HARS1: variants seen among roughly 807,000 people sequenced by gnomAD.
HARS1 encodes the protein histidine--tRNA ligase, cytoplasmic.
HARS1 carries 45 observed loss-of-function variants against 63.6 expected under a neutral mutation model. That is an observed-to-expected ratio of 0.71 (90% confidence interval 0.56 to 0.91). HARS1 has a LOEUF of 0.91. Among genes scored for constraint, HARS1 ranks in the 40% least tolerant of loss-of-function variants. The pLI is 0.00. For missense variants in HARS1, 508 were observed against 643.2 expected, an observed-to-expected ratio of 0.79 and a Z score of 2.27; for synonymous variants, 205 against 247.1, an observed-to-expected ratio of 0.83 and a Z score of 1.60.
chr5:140,677,967 ACTCTGCAT>A lies in HARS1; in HGVS notation c.563_570del (p.Asp188ValfsTer38), dbSNP rs780060444. 6.2e-7 allele frequency: 1 copy of A among 1,612,032 alleles called. No individual in the cohort carries two copies. Among genetic ancestry groups the A allele is most frequent in the Admixed American group, 1.7e-5 (1 of 59,946 alleles). On this transcript the variant is annotated frameshift_variant, in exon 6 of 13. Transcript: ENST00000504156. LOFTEE classifies it high-confidence loss of function. Reference sequence around the variant, plus strand: ...AGGATCTCGCACATGATCTTCAGGCACTCTGCATCAGGGATCATGGGATCAAAGTTCCC... The same window carrying A: ...AGGATCTCGCACATGATCTTCAGGCACAGGGATCATGGGATCAAAGTTCCC...
chr5:140,691,217 G>C lies in HARS1; in HGVS notation c.88C>G (p.Leu30Val). 6.3e-7 allele frequency: 1 copy of C among 1,599,784 alleles called. No homozygotes were observed. Among genetic ancestry groups the C allele is most frequent in the Non-Finnish European group, 8.5e-7 (1 of 1,174,618 alleles). The stretch of plus-strand genomic sequence containing the variant: ...CTCCCCTGCTGCCTAAATCTCACCA[G>C]CTCGGCGCTGGCCTTCTGCTGCTTG... ...GLKQQKASAE[L>V]IEEEVAKLLK... The change falls in exon 1 of 13, where the codon CTG becomes GTG. Residue 30 changes from leucine to valine, a missense_variant and splice_region_variant. By Grantham distance (32) the Leu-to-Val change is conservative (BLOSUM62 1). Transcript: ENST00000504156.
In HARS1 at chr5:140,674,024, C is replaced by A; in HGVS notation, c.*233G>T. 1.6e-6 allele frequency: 1 copy of A among 609,040 alleles called. No individual in the cohort carries two copies. The highest frequency in any genetic ancestry group is 2.6e-5 in the Admixed American group (1 of 38,530). 37.7% of individuals were successfully genotyped at this position (609,040 alleles called of 1,614,324 possible). On this transcript the variant is annotated 3_prime_UTR_variant, in exon 13 of 13. Transcript: ENST00000504156. ...AGGCTGGGTCCTTGTAGCCCAGGAGCACAGACTGGACTAAGCCTCCTGGGC... is the reference window on the plus strand; with the variant it reads ...AGGCTGGGTCCTTGTAGCCCAGGAGAACAGACTGGACTAAGCCTCCTGGGC...
chr5:140,676,606 G>A lies in HARS1; in HGVS notation c.1194+48C>T. The A allele has an allele frequency of 6.3e-7, 1 of 1,587,600 alleles. No homozygotes were observed. The highest frequency in any genetic ancestry group is 8.6e-7 in the Non-Finnish European group (1 of 1,160,648). Reference sequence around the variant, plus strand: ...CTCCCTTGGAGATCAGATAGCTTAGGTGCCACCACCTGCTCAGACTATCTT... The same window carrying A: ...CTCCCTTGGAGATCAGATAGCTTAGATGCCACCACCTGCTCAGACTATCTT... On this transcript the variant is annotated intron_variant, in intron 10 of 12. Transcript: ENST00000504156. This position sits in a 1 kb window ranked among gnomAD's most constrained non-coding sequence, Gnocchi z 4.1.
In HARS1 at chr5:140,677,049, C is replaced by T; in HGVS notation, c.891G>A (p.Glu297=). The change falls in exon 9 of 13, where the codon GAG becomes GAA. Residue 297 remains glutamate (E), a synonymous_variant. Transcript: ENST00000504156. The stretch of plus-strand genomic sequence containing the variant: ...AGAGCAACTTCAGGTCTCCCAGGCC[C>T]TCCAAGGCCTGCTTGTTTTGGGATA... ...PKLSQNKQAL[E]GLGDLKLLFE... 1 of 1,614,100 alleles carries T rather than the reference C, an allele frequency of 6.2e-7. No homozygotes were observed. Among genetic ancestry groups the T allele is most frequent in the Admixed American group, 1.7e-5 (1 of 60,032 alleles).
chr5:140,679,018 C>A lies in HARS1; in HGVS notation c.506G>T (p.Arg169Leu). 1 of 1,613,816 alleles carries A rather than the reference C, an allele frequency of 6.2e-7. No individual in the cohort carries two copies. The highest frequency in any genetic ancestry group is 1.1e-5 in the South Asian group (1 of 91,056). Residue 169 changes from arginine (R) to leucine (L), a missense_variant, in exon 5 of 13, where the codon CGG becomes CTG. This residue lies in a region of HARS1 where 403 missense variants were observed against 548.7 expected (regional missense o/e 0.73). Transcript: ENST00000504156. This position sits in a 1 kb window ranked among gnomAD's most constrained non-coding sequence, Gnocchi z 4.3. Reference protein sequence around the residue: ...DNPAMTRGRYREFYQCDFDIA... With the variant: ...DNPAMTRGRYLEFYQCDFDIA... ...AACACTCACACACTGGTAGAATTCCCGGTATCGGCCACGGGTCATGGCTGG... is the reference window on the plus strand; with the variant it reads ...AACACTCACACACTGGTAGAATTCCAGGTATCGGCCACGGGTCATGGCTGG...
In HARS1 at chr5:140,678,253, C is replaced by T. The variant is rs111314092; in HGVS notation, c.523-238G>A. The T allele has an allele frequency of 0.016, 8,869 of 558,872 alleles. 120 individuals are homozygous for T. Among genetic ancestry groups the T allele is most frequent in the Non-Finnish European group, 0.018 (5,657 of 313,068 alleles). 34.6% of individuals were successfully genotyped at this position (558,872 alleles called of 1,614,324 possible). A position where few individuals can be genotyped will look rare whatever the true frequency, so the allele number is the denominator to read the frequency against. ...CTACTTCATCATCTTCTTAACTCCT[C>T]CTACTGGATGGGGTGATTATATGGC... On this transcript the variant is annotated intron_variant, in intron 5 of 12. Transcript: ENST00000504156.
chr5:140,677,806 G>A (rs1758477807), intron 6 of HARS1, 53 bp from the exon 7 acceptor site: 1 of 1,371,776 alleles, frequency 7.3e-7, no homozygotes, highest in Non-Finnish European at 1.0e-6. Context: ...TACATGACCT[G>A]CAATAGTCAT....
chr5:140,679,797 A>T lies in HARS1; in HGVS notation c.387T>A (p.Tyr129Ter), dbSNP rs1222947442. 2.5e-6 allele frequency: 4 copies of T among 1,583,152 alleles called. No homozygotes were observed. The highest frequency in any genetic ancestry group is 3.5e-6 in the Non-Finnish European group (4 of 1,152,642). Residue 129 changes from tyrosine (Y) to a stop codon, truncating the protein, a stop_gained, in exon 4 of 13, where the codon TAT becomes TAA. Transcript: ENST00000504156. LOFTEE classifies it high-confidence loss of function. This position sits in a 1 kb window ranked among gnomAD's most constrained non-coding sequence, Gnocchi z 4.3. ...AAGTTTAGAAAGATACAGTGAGGTC[A>T]TAGCGAAGGGACAGGAGCTCCCCGC... ...DQGGELLSLR[Y>*]DLTVPFARYL...
chr5:140,679,060 A>C lies in HARS1; in HGVS notation c.464T>G (p.Val155Gly), dbSNP rs1239341211. Reference protein sequence around the residue: ...TNIKRYHIAKVYRRDNPAMTR... With the variant: ...TNIKRYHIAKGYRRDNPAMTR... Reference sequence around the variant, plus strand: ...CATGGCTGGGTTATCCCGCCGATATACCTTTGCTATGTGGTAGCGTTTAAT... The same window carrying C: ...CATGGCTGGGTTATCCCGCCGATATCCCTTTGCTATGTGGTAGCGTTTAAT... Residue 155 changes from valine to glycine, a missense_variant, in exon 5 of 13, where the codon GTA (valine) becomes GGA (glycine). Physicochemically the swap from Val to Gly is moderately radical, Grantham distance 109. Transcript: ENST00000504156. This position sits in a 1 kb window ranked among gnomAD's most constrained non-coding sequence, Gnocchi z 4.3. 6.2e-7 allele frequency: 1 copy of C among 1,614,056 alleles called. No individual in the cohort carries two copies. Among genetic ancestry groups the C allele is most frequent in the Middle Eastern group, 1.6e-4 (1 of 6,062 alleles).
At chr5:140,674,415 T>A in intron 12 of HARS1, 87 bp from the exon 13 acceptor site, 2 of 987,718 alleles carry the variant, frequency 2.0e-6, no homozygotes, top group Non-Finnish European at 3.3e-6. Context: ...CCTCTAGGCA[T>A]CAGGCTTGTC....
chr5:140,683,294 A>C, intron 2 of HARS1, 75 bp from the exon 3 acceptor site: 1 of 1,472,848 alleles, frequency 6.8e-7, no homozygotes, highest in Non-Finnish European at 9.4e-7. Flanking sequence ...GAAATATAAA[A>C]GGATGACCTC....
chr5:140,674,998 TG>T lies in HARS1; in HGVS notation c.1311+18del. 6.4e-7 allele frequency: 1 copy of T among 1,556,198 alleles called. No individual in the cohort carries two copies. Among genetic ancestry groups the T allele is most frequent in the South Asian group, 1.1e-5 (1 of 90,020 alleles). The stretch of plus-strand genomic sequence containing the variant: ...AGCACACCTAAGTTTGCTGCCACCC[TG>T]GGGCTTGCCTCCCATACCTTGATCC... On this transcript the variant is annotated intron_variant, in intron 11 of 12. Coordinates refer to ENST00000504156, the MANE Select transcript of HARS1 (RefSeq NM_002109.6).
intron 2 of HARS1, among the ~76,000 whole-genome samples, chr5:140,689,590 C>T (rs543471004): frequency 1.2e-4 from 19 of 152,298 alleles, no homozygotes; most frequent in African/African-American, 3.4e-4. Flanking sequence ...TAAGCCACCA[C>T]ACTCAGCCAG....
Position 140,679,329 on chromosome 5 carries a change from T to C in HARS1, c.397-202A>G, listed in dbSNP as rs1250984100. On this transcript the variant is annotated intron_variant, in intron 4 of 12. Transcript: ENST00000504156. This position sits in a 1 kb window ranked among gnomAD's most constrained non-coding sequence, Gnocchi z 4.3. ...AAGGCTCAAAAAAGATTAAGGCACC[T>C]TTCCCTTTTGTAGTGTTGACTGGAC... The C allele has an allele frequency of 1.3e-5, 7 of 542,298 alleles. No individual in the cohort carries two copies. In the East Asian group the frequency reaches 2.3e-4, roughly 18 times the overall value. The allele number at this position is 542,298 out of a possible 1,614,324, so 33.6% of individuals were successfully genotyped here.
intron 6 of HARS1, 75 bp downstream of exon 6, chr5:140,677,833 G>C: frequency 7.3e-7 from 1 of 1,371,980 alleles, no homozygotes; most frequent in African/African-American, 1.4e-5. Flanking sequence ...TTAGGCTACT[G>C]GTCCCTCTGC....
Position 140,673,999 on chromosome 5 carries a change from A to T in HARS1, c.*258T>A. 1 of 586,880 alleles carries T rather than the reference A, an allele frequency of 1.7e-6. No individual in the cohort carries two copies. Among genetic ancestry groups the T allele is most frequent in the Middle Eastern group, 4.6e-4 (1 of 2,162 alleles). 36.4% of individuals were successfully genotyped at this position (586,880 alleles called of 1,614,324 possible). A position where few individuals can be genotyped will look rare whatever the true frequency, so the allele number is the denominator to read the frequency against. ...GGGGCCCTGCAGATGGGACCATCTC[A>T]GGCTGGGTCCTTGTAGCCCAGGAGC... is the stretch of plus-strand genomic sequence containing the variant. On this transcript the variant is annotated 3_prime_UTR_variant, in exon 13 of 13. Transcript: ENST00000504156.
At chr5:140,677,453 G>A (rs1758449715) in intron 7 of HARS1, 33 bp from the exon 8 acceptor site, 1 of 1,512,444 alleles carries the variant, frequency 6.6e-7, no homozygotes, top group African/African-American at 1.4e-5. Context: ...GGGACCCCTG[G>A]GCAGCTTCCG....
chr5:140,687,845 G>C (rs543989463), intron 2 of HARS1: 1 of 152,250 alleles, frequency 6.6e-6, no homozygotes, highest in African/African-American at 2.4e-5. Flanking sequence ...GCTCACGCCT[G>C]TAATCCCAGC....
intron 2 of HARS1, 80 bp from the exon 3 acceptor site, chr5:140,683,299 G>A (rs893527365): frequency 2.0e-5 from 29 of 1,442,012 alleles, no homozygotes; most frequent in African/African-American, 2.8e-5. Flanking sequence ...ATAAAAGGAT[G>A]ACCTCAATAA....
Sources: gnomAD v4.1 joint callset for allele counts (sites outside exome capture counted in the v4.1 genomes callset) on GRCh38, gnomAD v4.1.1 for gene constraint, gnomAD v4.1.1 regional missense constraint, Gnocchi (gnomAD v3.1) non-coding constraint, MANE v1.5 for transcripts, NCBI Gene and HGNC (gene_info 2026-07-23, HGNC 2026-07-21) for gene names.